Variants in DENND1A observed in about 807,000 individuals in gnomAD.
DENND1A encodes the protein DENN domain-containing protein 1A.
In DENND1A, 51 loss-of-function variants were observed where a neutral mutation model predicts 113.7. That is an observed-to-expected ratio of 0.45 (90% CI 0.36 to 0.57). DENND1A has a LOEUF of 0.57. DENND1A is among the 20% of genes least tolerant of loss of function. The probability of loss-of-function intolerance (pLI) is 0.00; values close to 1 mark genes in which losing one functional copy is unlikely to be tolerated. For missense variants in DENND1A, 1,258 were observed against 1,395.9 expected (o/e 0.90, Z 1.57); for synonymous variants, 565 against 570.8 (o/e 0.99, Z 0.14).
intron 2 of DENND1A, among the ~76,000 whole-genome samples, chr9:123,856,916 G>A (rs1844299506): frequency 6.6e-6 from 1 of 152,058 alleles, no homozygotes; most frequent in African/African-American, 2.4e-5. Flanking sequence ...GAAGAGAGAA[G>A]TTACAAATAT....
chr9:123,769,390 T>C (rs1829357638), intron 4 of DENND1A, 124 bp downstream of exon 4: 12 of 863,418 alleles, frequency 1.4e-5, no homozygotes, highest in Non-Finnish European at 2.0e-5. Flanking sequence ...GCAACTCTCC[T>C]TGGAACACAG....
chr9:123,390,819 T>C (rs1328626513), intron 21 of DENND1A, among the ~76,000 whole-genome samples: 1 of 152,204 alleles, frequency 6.6e-6, no homozygotes, highest in Non-Finnish European at 1.5e-5. Context: ...TCGGGCCAAA[T>C]GGAGGGAGGC....
At chr9:123,917,354 A>T (rs1412283707) in intron 1 of DENND1A, among the ~76,000 whole-genome samples, 1 of 152,100 alleles carries the variant, frequency 6.6e-6, no homozygotes, top group African/African-American at 2.4e-5. Flanking sequence ...CCAAAAACAT[A>T]ACTATTTTCA....
intron 6 of DENND1A, among the ~76,000 whole-genome samples, chr9:123,671,676 A>G (rs896285656): frequency 1.3e-5 from 2 of 152,182 alleles, no homozygotes; most frequent in Non-Finnish European, 2.9e-5. Context: ...CTCCATAGCA[A>G]CAACTTTTAA....
chr9:123,487,265 G>A (rs1004322686), intron 13 of DENND1A, among the ~76,000 whole-genome samples: 21 of 152,280 alleles, frequency 1.4e-4, no homozygotes, highest in Admixed American at 9.8e-4. Flanking sequence ...CTTTGCTCAA[G>A]TTCGTTTAAG....
chr9:123,598,456 C>CA (rs780473231), intron 11 of DENND1A, among the ~76,000 whole-genome samples: 5,109 of 58,994 alleles, frequency 0.087, 368 homozygotes, highest in African/African-American at 0.21. Context: ...TCACAAATCT[C>CA]AAAAAAAAAA....
chr9:123,646,420 T>C (rs575531624), intron 9 of DENND1A, among the ~76,000 whole-genome samples: 1 of 152,286 alleles, frequency 6.6e-6, no homozygotes, highest in East Asian at 1.9e-4. Context: ...AGTTTTGTTT[T>C]GAAGTCTGGG....
intron 13 of DENND1A, among the ~76,000 whole-genome samples, chr9:123,528,714 T>C (rs1049160346): frequency 6.6e-6 from 1 of 152,188 alleles, no homozygotes; most frequent in Non-Finnish European, 1.5e-5. Flanking sequence ...TTTAAACCCT[T>C]AAGTGGCTTT....
chr9:123,654,753 G>A (rs1185313709), intron 8 of DENND1A, among the ~76,000 whole-genome samples: 1 of 152,180 alleles, frequency 6.6e-6, no homozygotes, highest in Non-Finnish European at 1.5e-5. Flanking sequence ...CTAAACAGAA[G>A]CTGTCTTTCT....
At chr9:123,583,104 A>G in intron 12 of DENND1A, 65 bp downstream of exon 12, 1 of 1,257,054 alleles carries the variant, frequency 8.0e-7, no homozygotes, top group Non-Finnish European at 1.1e-6. Flanking sequence ...CCCATTCCCC[A>G]AAGTCACGTT....
At chr9:123,731,825 T>C (rs2130880663) in intron 5 of DENND1A, among the ~76,000 whole-genome samples, 1 of 152,310 alleles carries the variant, frequency 6.6e-6, no homozygotes, top group Admixed American at 6.5e-5. Flanking sequence ...GCAAATCATA[T>C]ATCTGAAAAA....
chr9:123,744,187 T>C (rs985256798), intron 5 of DENND1A, among the ~76,000 whole-genome samples: 1 of 152,226 alleles, frequency 6.6e-6, no homozygotes, highest in African/African-American at 2.4e-5. Flanking sequence ...TACTTAACTA[T>C]TCTCATTAAT....
intron 2 of DENND1A, among the ~76,000 whole-genome samples, chr9:123,833,200 T>C (rs946993611): frequency 6.3e-5 from 9 of 143,108 alleles, no homozygotes; most frequent in African/African-American, 2.4e-4. Context: ...ATTGAGGGAA[T>C]GGTGTTTGGA....
chr9:123,417,938 A>G (rs922341831), intron 19 of DENND1A, among the ~76,000 whole-genome samples: 3 of 152,072 alleles, frequency 2.0e-5, no homozygotes, highest in Non-Finnish European at 4.4e-5. Flanking sequence ...CAGTGGTCCA[A>G]TCAGACAAGA....
At chr9:123,714,566 C>T (rs1169644399) in intron 5 of DENND1A, among the ~76,000 whole-genome samples, 1 of 152,130 alleles carries the variant, frequency 6.6e-6, no homozygotes, top group African/African-American at 2.4e-5. Flanking sequence ...CATGCCACTG[C>T]ACTCCAGCCT....
intron 11 of DENND1A, among the ~76,000 whole-genome samples, chr9:123,608,391 T>C (rs1351192665): frequency 6.6e-6 from 1 of 152,048 alleles, no homozygotes; most frequent in Non-Finnish European, 1.5e-5. Context: ...CTTCAAGACA[T>C]GCAAAGCACC....
At chr9:123,797,113 T>A (rs1385788797) in intron 2 of DENND1A, among the ~76,000 whole-genome samples, 1 of 152,166 alleles carries the variant, frequency 6.6e-6, no homozygotes, top group East Asian at 1.9e-4. Context: ...GATATTTCAA[T>A]CAATAAGAGA....
At chr9:123,556,954 G>C (rs989847395) in intron 13 of DENND1A, among the ~76,000 whole-genome samples, 3 of 152,226 alleles carry the variant, frequency 2.0e-5, no homozygotes, top group Admixed American at 2.0e-4. Context: ...AGGGGACATA[G>C]ATAAGTCAAC....
rs190714248 is a variant in DENND1A at position 123,718,764 on chromosome 9, T to C, written c.302+38939A>G. Among the ~76,000 whole-genome samples, 8 of 152,296 alleles carry C rather than the reference T, an allele frequency of 5.3e-5. No individual in the cohort carries two copies. In the South Asian group the frequency reaches 8.3e-4, roughly 16 times the overall value. On this transcript the variant is annotated intron_variant, in intron 5 of 23. Transcript: ENST00000394215. Reference sequence around the variant, plus strand: ...AGACTCTGTTGGGACAATGTTCTTTTCAAAGGCAAGCCCAGACAACAGTAA... The same window carrying C: ...AGACTCTGTTGGGACAATGTTCTTTCCAAAGGCAAGCCCAGACAACAGTAA...
Sources: gnomAD v4.1 joint callset for allele counts (sites outside exome capture counted in the v4.1 genomes callset) on GRCh38, gnomAD v4.1.1 for gene constraint, MANE v1.5 for transcripts, NCBI Gene and HGNC (gene_info 2026-07-23, HGNC 2026-07-21) for gene names.